Variants in MROH1 observed in about 807,000 individuals in gnomAD.
The protein encoded by MROH1 is maestro heat like repeat family member 1, also known as maestro heat-like repeat-containing protein family member 1.
A neutral mutation model predicts 116.5 loss-of-function variants in MROH1; 117 were observed. The observed-to-expected ratio is 1.00, with a 90% CI of 0.86 to 1.17. The LOEUF is 1.17. MROH1 is among the 50% of genes most tolerant of loss of function. The pLI, the probability that MROH1 is intolerant of heterozygous loss-of-function variation, is 0.00. For synonymous variants in MROH1, 921 were observed against 583.9 expected (o/e 1.58, Z -8.32); for missense variants, 1,873 against 1,338.5 (o/e 1.40, Z -6.23).
At chr8:144,237,178 T>C (rs1840192156) in intron 14 of MROH1, among the ~76,000 whole-genome samples, 1 of 151,902 alleles carries the variant, frequency 6.6e-6, no homozygotes, top group Non-Finnish European at 1.5e-5. Flanking sequence ...GTGCTGGGAT[T>C]ATAGGCATGA....
intron 39 of MROH1, 81 bp downstream of exon 39, chr8:144,260,455 C>A: frequency 1.4e-6 from 1 of 698,472 alleles, no homozygotes; most frequent in Non-Finnish European, 2.6e-6. Context: ...CCAGCCCCAC[C>A]CTCCTCCCTG....
intron 10 of MROH1, chr8:144,192,747 C>T (rs1281773478): frequency 9.2e-6 from 4 of 433,642 alleles, no homozygotes; most frequent in Non-Finnish European, 1.7e-5. Context: ...GGACTGAGCT[C>T]AGAGGAGCAG....
Position 144,260,308 on chromosome 8 carries a change from G to A in MROH1, c.4314G>A (p.Val1438=). Residue 1438 remains valine (V), a synonymous_variant, in exon 39 of 44, where the codon GTG becomes GTA. Transcript: ENST00000326134. ...GCCTTGCGAGGCTGGTGCACCTGGTGGAGTCCTGGGACCTGCGCTCAGGGC... is the reference window on the plus strand; with the variant it reads ...GCCTTGCGAGGCTGGTGCACCTGGTAGAGTCCTGGGACCTGCGCTCAGGGC... ...MLGLARLVHL[V]ESWDLRSGLL... The A allele has an allele frequency of 1.3e-6, 1 of 750,116 alleles. No individual in the cohort carries two copies. Among genetic ancestry groups the A allele is most frequent in the East Asian group, 2.5e-5 (1 of 40,060 alleles). The allele number at this position is 750,116 out of a possible 1,614,324, so 46.5% of individuals were successfully genotyped here. A position where few individuals can be genotyped will look rare whatever the true frequency, so the allele number is the denominator to read the frequency against.
rs1844693576 is a variant in MROH1 at position 144,259,982 on chromosome 8, G to A, written c.4116G>A (p.Gln1372=). The A allele has an allele frequency of 2.7e-6, 2 of 739,524 alleles. No individual in the cohort carries two copies. Among genetic ancestry groups the A allele is most frequent in the Admixed American group, 1.9e-5 (1 of 53,542 alleles). The allele number at this position is 739,524 out of a possible 1,614,324, so 45.8% of individuals were successfully genotyped here. The change falls in exon 38 of 44, where the codon CAG becomes CAA. Residue 1372 remains glutamine, a synonymous_variant. Coordinates refer to ENST00000326134, the MANE Select transcript of MROH1 (RefSeq NM_032450.3). ...DSLLESLAAR[Q]KDTCASVRRL... The stretch of plus-strand genomic sequence containing the variant: ...TGCTGGAGAGCCTGGCGGCTCGCCA[G>A]AAGGACACATGCGCCAGCGTGCGGA...
chr8:144,187,072 T>C (rs1191374016), intron 7 of MROH1, among the ~76,000 whole-genome samples: 1 of 146,606 alleles, frequency 6.8e-6, no homozygotes, highest in Non-Finnish European at 1.5e-5. Flanking sequence ...CATTCCAGCC[T>C]CAGTGACAGA....
intron 3 of MROH1, among the ~76,000 whole-genome samples, chr8:144,167,413 G>T (rs1224060809): frequency 4.5e-5 from 6 of 134,744 alleles, no homozygotes; most frequent in African/African-American, 1.3e-4. Flanking sequence ...CCGGTTGTTG[G>T]GGTGGAGTGG....
At chr8:144,250,897 C>T (rs1410387278) in intron 33 of MROH1, 6 of 229,528 alleles carry the variant, frequency 2.6e-5, no homozygotes, top group South Asian at 1.2e-4. Flanking sequence ...AAGGGCAGGG[C>T]GTGTCTACCA....
chr8:144,192,151 G>A (rs1467415556), intron 9 of MROH1, among the ~76,000 whole-genome samples, 158 bp from the exon 10 acceptor site: 1 of 152,218 alleles, frequency 6.6e-6, no homozygotes, highest in South Asian at 2.1e-4. Flanking sequence ...CTGAGTTCTA[G>A]AGGTAGACGA....
At chr8:144,235,279 G>C (rs1040077135) in intron 14 of MROH1, among the ~76,000 whole-genome samples, 8 of 152,102 alleles carry the variant, frequency 5.3e-5, no homozygotes, top group Non-Finnish European at 7.4e-5. Flanking sequence ...GATTTCTTAG[G>C]ATTTCTATAA....
chr8:144,208,688 C>G (rs774341176), intron 12 of MROH1, among the ~76,000 whole-genome samples: 1 of 152,020 alleles, frequency 6.6e-6, no homozygotes, highest in African/African-American at 2.4e-5. Context: ...TATTTCAGGA[C>G]TCTATTCTTT....
chr8:144,231,430 G>A (rs547755577), intron 14 of MROH1, among the ~76,000 whole-genome samples: 1 of 152,184 alleles, frequency 6.6e-6, no homozygotes, highest in Non-Finnish European at 1.5e-5. Flanking sequence ...AGAGGTGTGC[G>A]GCTCTTCCTC....
intron 14 of MROH1, among the ~76,000 whole-genome samples, chr8:144,233,577 C>T (rs1337460108): frequency 6.6e-6 from 1 of 152,102 alleles, no homozygotes; most frequent in Non-Finnish European, 1.5e-5. Context: ...CGAGGCACTT[C>T]GTGTAAGTGG....
chr8:144,247,426 C>T lies in MROH1; in HGVS notation c.2997C>T (p.Leu999=), dbSNP rs917227594. 17 of 770,696 alleles carry T rather than the reference C, an allele frequency of 2.2e-5. No individual in the cohort carries two copies. Among genetic ancestry groups the T allele is most frequent in the Non-Finnish European group, 3.9e-5 (16 of 413,446 alleles). The allele number at this position is 770,696 out of a possible 1,614,324, so 47.7% of individuals were successfully genotyped here. A position where few individuals can be genotyped will look rare whatever the true frequency, so the allele number is the denominator to read the frequency against. The change falls in exon 30 of 44, where the codon CTC becomes CTT. Residue 999 remains leucine (L), a synonymous_variant. Transcript: ENST00000326134. ...TCTACTCCCTGCTGTACCTCCAGCT[C>T]GGCTATGAGGGTGAGCCCTCGTCAG... ...DCVYSLLYLQ[L]GYEGFSRDYR...
intron 1 of MROH1, among the ~76,000 whole-genome samples, chr8:144,160,065 G>A (rs932865250): frequency 1.3e-5 from 2 of 152,036 alleles, no homozygotes; most frequent in Non-Finnish European, 1.5e-5. Flanking sequence ...CACCGCGCCC[G>A]GCCCACGCCT....
chr8:144,239,434 G>A (rs1225074613), intron 17 of MROH1, 71 bp downstream of exon 17: 1 of 779,312 alleles, frequency 1.3e-6, no homozygotes, highest in Non-Finnish European at 2.4e-6. Context: ...AGGCTTGGAA[G>A]GGGTTACCTT....
intron 3 of MROH1, among the ~76,000 whole-genome samples, chr8:144,165,922 C>T (rs546301704): frequency 9.8e-4 from 148 of 151,670 alleles, no homozygotes; most frequent in African/African-American, 3.5e-3. Context: ...GTCTGTTACC[C>T]AGGCTGGAGT....
Position 144,154,001 on chromosome 8 carries a change from C to T in MROH1, c.-177+5925C>T, listed in dbSNP as rs1000666761. ...GGTCTCGATCTCTTGACCTCGTGATCCGCCCACCTTGGCCTCCCCAAGTGC... is the reference window on the plus strand; with the variant it reads ...GGTCTCGATCTCTTGACCTCGTGATTCGCCCACCTTGGCCTCCCCAAGTGC... On this transcript the variant is annotated intron_variant, in intron 1 of 43. Coordinates refer to ENST00000326134, the MANE Select transcript of MROH1 (RefSeq NM_032450.3). Among the ~76,000 whole-genome samples the T allele has an allele frequency of 7.9e-4, 120 of 152,282 alleles. No homozygotes were observed. The South Asian group carries it at 0.013, about 17-fold the overall frequency.
chr8:144,149,537 T>G (rs1816228307), intron 1 of MROH1, among the ~76,000 whole-genome samples: 1 of 152,042 alleles, frequency 6.6e-6, no homozygotes, highest in Non-Finnish European at 1.5e-5. Flanking sequence ...GGTGCTTAGT[T>G]TTCTTTCCCA....
At position 144,182,776 on chromosome 8, in the gene MROH1, C is replaced by T. The variant is rs937601544; in HGVS notation, c.562+2253C>T. Among the ~76,000 whole-genome samples the T allele has an allele frequency of 4.6e-5, 7 of 152,068 alleles. No individual in the cohort carries two copies. Among genetic ancestry groups the T allele is most frequent in the African/African-American group, 9.7e-5 (4 of 41,426 alleles). On this transcript the variant is annotated intron_variant, in intron 7 of 43. Transcript: ENST00000326134. This position sits in a 1 kb window ranked among gnomAD's most constrained non-coding sequence, Gnocchi z 4.1. ...ACAGAGATGGGAGGTCAAGAGATGA[C>T]GCAAAGGCATGCCCTAGTGGCCGGG...
Sources: allele counts gnomAD v4.1 joint callset (sites outside exome capture counted in the v4.1 genomes callset), GRCh38; gene constraint gnomAD v4.1.1; non-coding constraint Gnocchi (gnomAD v3.1); transcripts MANE v1.5; gene names NCBI Gene and HGNC (gene_info 2026-07-23, HGNC 2026-07-21).